The following STK39 variants were observed in gnomAD, a reference collection of about 807,000 sequenced individuals.
STK39 encodes the protein serine/threonine kinase 39.
A neutral mutation model predicts 77.8 loss-of-function variants in STK39; 20 were observed. The observed-to-expected ratio is 0.26, with a 90% CI of 0.18 to 0.37. The LOEUF (loss-of-function observed/expected upper bound fraction) is 0.37. STK39 is among the 10% of genes least tolerant of loss of function. The pLI is 1.00. For synonymous variants in STK39, 246 were observed against 234.1 expected (o/e 1.05, Z -0.47); for missense variants, 479 against 656.5 (o/e 0.73, Z 2.95).
At chr2:168,129,656 A>T in intron 9 of STK39, 50 bp from the exon 10 acceptor site, 1 of 1,613,976 alleles carries the variant, frequency 6.2e-7, no homozygotes, top group Non-Finnish European at 8.5e-7. Flanking sequence ...GATACACATA[A>T]ATACACAGTG....
intron 10 of STK39, among the ~76,000 whole-genome samples, chr2:168,127,102 G>C (rs1259445473): frequency 1.3e-5 from 2 of 152,108 alleles, no homozygotes; most frequent in African/African-American, 4.8e-5. Context: ...TGCAAACTGG[G>C]GTTTGGAATG....
intron 10 of STK39, among the ~76,000 whole-genome samples, chr2:168,082,215 T>C (rs1310189820): frequency 1.3e-5 from 2 of 152,162 alleles, no homozygotes; most frequent in Non-Finnish European, 2.9e-5. Context: ...CTCTACATCA[T>C]CTGTAAATAT....
intron 1 of STK39, among the ~76,000 whole-genome samples, chr2:168,242,864 G>T (rs1690804166): frequency 6.8e-6 from 1 of 147,856 alleles, no homozygotes. Context: ...CTGCACTCTA[G>T]CCTGGGTGAC....
chr2:168,142,073 T>C (rs1198863298), intron 5 of STK39, among the ~76,000 whole-genome samples: 3 of 152,228 alleles, frequency 2.0e-5, no homozygotes, highest in Admixed American at 6.5e-5. Context: ...AAAGTATATA[T>C]GTTTAAACTG....
chr2:168,242,560 AATATATATAT>A lies in STK39; in HGVS notation c.208+4658_208+4667del, dbSNP rs59941306. ...CAAGACTCTTACAAAAAAAAAAAAA[AATATATATAT>A]ATATATATATATATATATATATATA... On this transcript the variant is annotated intron_variant, in intron 1 of 17. Transcript: ENST00000355999. 8.0e-4 allele frequency among the ~76,000 whole-genome samples: 36 copies of A among 44,866 alleles called. 3 individuals carry two copies. The highest frequency in any genetic ancestry group is 4.0e-3 in the African/African-American group (36 of 9,096). The allele number at this position is 44,866 out of a possible 152,430, so 29.4% of individuals were successfully genotyped here.
chr2:168,232,587 C>G (rs1410676178), intron 1 of STK39, among the ~76,000 whole-genome samples: 3 of 152,098 alleles, frequency 2.0e-5, no homozygotes, highest in Admixed American at 6.6e-5. Flanking sequence ...ACAAAGCTGC[C>G]TATATTATCT....
At chr2:168,234,862 T>C (rs1407788992) in intron 1 of STK39, among the ~76,000 whole-genome samples, 2 of 152,084 alleles carry the variant, frequency 1.3e-5, no homozygotes, top group African/African-American at 4.8e-5. Context: ...TTTACTCTAT[T>C]GAGTCATAGG....
At chr2:168,226,452 A>G (rs1216032917) in intron 1 of STK39, among the ~76,000 whole-genome samples, 1 of 152,190 alleles carries the variant, frequency 6.6e-6, no homozygotes, top group African/African-American at 2.4e-5. Context: ...CAATTTTGTT[A>G]TATTCTATAA....
intron 1 of STK39, among the ~76,000 whole-genome samples, chr2:168,208,040 C>T (rs2105689690): frequency 6.6e-6 from 1 of 152,310 alleles, no homozygotes; most frequent in Admixed American, 6.5e-5. Flanking sequence ...CAGCAGGCTC[C>T]TTCTCCGGAG....
chr2:168,173,792 A>C (rs1267711695), intron 2 of STK39, among the ~76,000 whole-genome samples: 1 of 152,108 alleles, frequency 6.6e-6, no homozygotes. Flanking sequence ...CAGGTGATCC[A>C]CCTGCCTCAG....
At position 168,189,346 on chromosome 2, in the gene STK39, G is replaced by GA. The variant is rs1401496046; in HGVS notation, c.209-7257dup. On this transcript the variant is annotated intron_variant, in intron 1 of 17. Coordinates refer to ENST00000355999, the MANE Select transcript of STK39 (RefSeq NM_013233.3). ...GGTTCTGATTTTAAAAGAGATAGAG[G>GA]AATCAAACCAGAACAAATGTAAATA... 4.6e-5 allele frequency among the ~76,000 whole-genome samples: 7 copies of GA among 151,080 alleles called. No individual in the cohort carries two copies. The South Asian group carries it at 1.5e-3, about 32-fold the overall frequency.
At chr2:168,013,538 G>A (rs531258585) in intron 15 of STK39, among the ~76,000 whole-genome samples, 1 of 152,362 alleles carries the variant, frequency 6.6e-6, no homozygotes, top group Admixed American at 6.5e-5. Flanking sequence ...TTGGTCCCCA[G>A]GGACTTCAGA....
At chr2:168,179,862 C>G (rs543586754) in intron 2 of STK39, among the ~76,000 whole-genome samples, 37 of 152,282 alleles carry the variant, frequency 2.4e-4, no homozygotes, top group East Asian at 1.7e-3. Context: ...GGAGGAAACG[C>G]TAGCAGAGGG....
At chr2:168,134,311 G>T (rs1170349595) in intron 8 of STK39, among the ~76,000 whole-genome samples, 2 of 152,104 alleles carry the variant, frequency 1.3e-5, no homozygotes, top group Non-Finnish European at 1.5e-5. Flanking sequence ...AAAGTCCACT[G>T]AGACTTAAAA....
chr2:167,964,853 G>A, intron 16 of STK39, 127 bp from the exon 17 acceptor site: 1 of 745,804 alleles, frequency 1.3e-6, no homozygotes, highest in Non-Finnish European at 2.2e-6. Flanking sequence ...CATAAACATT[G>A]CAAAGTCCAT....
chr2:168,174,945 G>A (rs1363371254), intron 2 of STK39, among the ~76,000 whole-genome samples: 1 of 151,768 alleles, frequency 6.6e-6, no homozygotes, highest in East Asian at 1.9e-4. Flanking sequence ...TACCACTGCT[G>A]CTGTATTTGG....
intron 8 of STK39, among the ~76,000 whole-genome samples, chr2:168,136,181 A>G (rs1574493570): frequency 6.6e-6 from 1 of 152,006 alleles, no homozygotes; most frequent in East Asian, 1.9e-4. Context: ...ATCTTGGCCA[A>G]CAGAGTGAAA....
intron 15 of STK39, 129 bp downstream of exon 15, chr2:168,016,914 T>C: frequency 1.5e-6 from 1 of 679,654 alleles, no homozygotes; most frequent in Non-Finnish European, 2.3e-6. Flanking sequence ...CTTCCTTCTG[T>C]CTATCTCTCC....
chr2:167,955,728 G>A (rs1482666380), intron 17 of STK39, among the ~76,000 whole-genome samples, 158 bp from the exon 18 acceptor site: 1 of 152,176 alleles, frequency 6.6e-6, no homozygotes, highest in African/African-American at 2.4e-5. Context: ...TCTCTCGAAT[G>A]ACTACTGGAA....
Sources: allele counts gnomAD v4.1 joint callset (sites outside exome capture counted in the v4.1 genomes callset), GRCh38; gene constraint gnomAD v4.1.1; transcripts MANE v1.5; gene names NCBI Gene and HGNC (gene_info 2026-07-23, HGNC 2026-07-21).